CDH20: variants seen among roughly 807,000 people sequenced by gnomAD.
CDH20 encodes the protein cadherin-20.
In CDH20, 29 loss-of-function variants were observed where a neutral mutation model predicts 74.2. The ratio of observed to expected loss-of-function variants is 0.39; its 90% CI spans 0.29 to 0.53. CDH20 has a LOEUF of 0.53. Among genes scored for constraint, CDH20 ranks in the 20% least tolerant of loss-of-function variants. The pLI is 0.69. For missense variants in CDH20, 988 were observed against 1,048.3 expected (o/e 0.94, Z 0.79); for synonymous variants, 469 against 405.4 (o/e 1.16, Z -1.88).
At chr18:61,543,439 C>G (rs1913111800) in intron 9 of CDH20, among the ~76,000 whole-genome samples, 1 of 152,202 alleles carries the variant, frequency 6.6e-6, no homozygotes, top group Non-Finnish European at 1.5e-5. Context: ...CGTTCAATGC[C>G]TCTTCTGTAA....
chr18:61,353,668 C>T lies in CDH20; in HGVS notation c.-153+19841C>T, dbSNP rs74960693. On this transcript the variant is annotated intron_variant, in intron 1 of 11. Transcript: ENST00000262717. This position sits in a 1 kb window ranked among gnomAD's most constrained non-coding sequence, Gnocchi z 4.6. ...GGACCACCACCTATCAAATGCCCTTCGACCAACTCCAAACCCACTGAGATC... is the reference window on the plus strand; with the variant it reads ...GGACCACCACCTATCAAATGCCCTTTGACCAACTCCAAACCCACTGAGATC... Among the ~76,000 whole-genome samples, 621 of 152,288 alleles carry T rather than the reference C, an allele frequency of 4.1e-3. 7 individuals are homozygous for T. The highest frequency in any genetic ancestry group is 0.014 in the African/African-American group (598 of 41,562).
At chr18:61,466,244 C>G (rs1008571259) in intron 1 of CDH20, among the ~76,000 whole-genome samples, 44 of 152,052 alleles carry the variant, frequency 2.9e-4, no homozygotes, top group African/African-American at 1.1e-3. Flanking sequence ...TAGTGATTCT[C>G]TATTCACCGT....
intron 1 of CDH20, among the ~76,000 whole-genome samples, chr18:61,397,406 C>G (rs931720953): frequency 1.3e-5 from 2 of 152,302 alleles, no homozygotes; most frequent in Admixed American, 1.3e-4. Context: ...CCTGCTGCAG[C>G]CCCGCAGCCC....
At chr18:61,476,261 A>G (rs545317747) in intron 1 of CDH20, among the ~76,000 whole-genome samples, 1 of 152,270 alleles carries the variant, frequency 6.6e-6, no homozygotes, top group East Asian at 1.9e-4. Context: ...TCACTCTGTG[A>G]CAAAGCCCAA....
intron 1 of CDH20, among the ~76,000 whole-genome samples, chr18:61,469,053 G>A (rs1910066321): frequency 2.0e-5 from 3 of 152,044 alleles, no homozygotes; most frequent in Admixed American, 6.5e-5. Flanking sequence ...AGCTTTATAT[G>A]CAAATTGTTT....
At chr18:61,372,257 C>A (rs893066374) in intron 1 of CDH20, among the ~76,000 whole-genome samples, 25 of 152,192 alleles carry the variant, frequency 1.6e-4, no homozygotes, top group African/African-American at 5.5e-4. Context: ...TTACTAAATT[C>A]ATTTCATTTT....
rs570385538 is a variant in CDH20 at position 61,344,677 on chromosome 18, A to T, written c.-153+10850A>T. Among the ~76,000 whole-genome samples, 117 of 152,262 alleles carry T rather than the reference A, an allele frequency of 7.7e-4. 1 individual carries two copies. In the South Asian group the frequency reaches 0.023, roughly 30 times the overall value. On this transcript the variant is annotated intron_variant, in intron 1 of 11. Transcript: ENST00000262717. ...TAACTTTAAGTAAATGAGCAAAATA[A>T]GGTTTTTAGGGCTTAAAAAAATGTC... is the stretch of plus-strand genomic sequence containing the variant.
chr18:61,341,425 C>A lies in CDH20; in HGVS notation c.-153+7598C>A, dbSNP rs1005074254. Among the ~76,000 whole-genome samples, 420 of 151,596 alleles carry A rather than the reference C, an allele frequency of 2.8e-3. 1 individual carries two copies. Among genetic ancestry groups the A allele is most frequent in the Admixed American group, 4.9e-3 (74 of 15,244 alleles). The stretch of plus-strand genomic sequence containing the variant: ...GATTACACAATGACTGCCTTGAGCC[C>A]CCCCCCCGCCTAATGCCGTTCCATT... On this transcript the variant is annotated intron_variant, in intron 1 of 11. Coordinates refer to ENST00000262717, the MANE Select transcript of CDH20 (RefSeq NM_031891.4).
intron 1 of CDH20, among the ~76,000 whole-genome samples, chr18:61,402,432 A>C (rs905100422): frequency 6.6e-6 from 1 of 152,120 alleles, no homozygotes; most frequent in Non-Finnish European, 1.5e-5. Flanking sequence ...TCATATATTC[A>C]AGGGGAAAAA....
At chr18:61,488,806 C>G (rs563308196) in intron 1 of CDH20, among the ~76,000 whole-genome samples, 1 of 152,200 alleles carries the variant, frequency 6.6e-6, no homozygotes, top group Admixed American at 6.5e-5. Flanking sequence ...TAATCTTTGT[C>G]ATCAATTCGT....
intron 6 of CDH20, among the ~76,000 whole-genome samples, chr18:61,526,205 C>T (rs184095588): frequency 1.2e-3 from 169 of 144,086 alleles, no homozygotes; most frequent in African/African-American, 4.2e-3. Context: ...CTCGGCTCAC[C>T]GCAACCTCCA....
Position 61,507,426 on chromosome 18 carries a change from A to G in CDH20, c.883A>G (p.Arg295Gly). The part of the protein sequence containing the change: ...ESAPISSTVG[R>G]VFAKDLDEGI... The stretch of plus-strand genomic sequence containing the variant: ...AGCTCCAATTAGCTCCACTGTCGGG[A>G]GAGTGTTTGCCAAGGACTTGGATGA... The change falls in exon 6 of 12, where the codon AGA (arginine) becomes GGA (glycine). Residue 295 changes from arginine (R) to glycine (G), a missense_variant. By Grantham distance (125) the Arg-to-Gly change is moderately radical (BLOSUM62 -2). Coordinates refer to ENST00000262717, the MANE Select transcript of CDH20 (RefSeq NM_031891.4). 1 of 1,614,126 alleles carries G rather than the reference A, an allele frequency of 6.2e-7. No homozygotes were observed. Among genetic ancestry groups the G allele is most frequent in the Non-Finnish European group, 8.5e-7 (1 of 1,179,990 alleles).
At chr18:61,535,001 T>C (rs778226977) in intron 7 of CDH20, among the ~76,000 whole-genome samples, 27 of 152,118 alleles carry the variant, frequency 1.8e-4, no homozygotes, top group African/African-American at 3.6e-4. Context: ...TAAATATATA[T>C]AATTATTACT....
intron 1 of CDH20, among the ~76,000 whole-genome samples, chr18:61,444,408 A>G (rs1909131505): frequency 6.6e-6 from 1 of 152,200 alleles, no homozygotes; most frequent in Non-Finnish European, 1.5e-5. Flanking sequence ...TTTTATGTCC[A>G]GACCAAAAGG....
intron 1 of CDH20, among the ~76,000 whole-genome samples, chr18:61,471,548 A>T (rs780333442): frequency 3.3e-5 from 5 of 152,210 alleles, no homozygotes; most frequent in Non-Finnish European, 7.3e-5. Flanking sequence ...CATTTTTTCC[A>T]TTATGAAGAA....
intron 1 of CDH20, among the ~76,000 whole-genome samples, chr18:61,462,724 AGG>A (rs140545583): frequency 3.7e-4 from 30 of 81,528 alleles, no homozygotes; most frequent in Non-Finnish European, 6.4e-4. Flanking sequence ...AAAAAAAAAA[AGG>A]GGGGGGGGGC....
chr18:61,361,820 G>C (rs1599036392), intron 1 of CDH20, among the ~76,000 whole-genome samples: 1 of 152,020 alleles, frequency 6.6e-6, no homozygotes, highest in African/African-American at 2.4e-5. Context: ...TAATAGATTA[G>C]AAAATAAAAC....
intron 9 of CDH20, among the ~76,000 whole-genome samples, chr18:61,540,662 T>C (rs1240254739): frequency 6.6e-6 from 1 of 152,172 alleles, no homozygotes; most frequent in Non-Finnish European, 1.5e-5. Flanking sequence ...TTATGGGAGC[T>C]ATAATTCAAG....
intron 1 of CDH20, among the ~76,000 whole-genome samples, chr18:61,476,899 T>A (rs1836059300): frequency 6.6e-6 from 1 of 152,166 alleles, no homozygotes; most frequent in African/African-American, 2.4e-5. Context: ...AAAATTAAAA[T>A]GTAAGTATAT....
Sources: allele counts gnomAD v4.1 joint callset (sites outside exome capture counted in the v4.1 genomes callset), GRCh38; gene constraint gnomAD v4.1.1; non-coding constraint Gnocchi (gnomAD v3.1); transcripts MANE v1.5; gene names NCBI Gene and HGNC (gene_info 2026-07-23, HGNC 2026-07-21).